Variants in DNM3 observed in about 807,000 individuals in gnomAD.
DNM3 encodes the protein dynamin-3.
Under a neutral mutation model 101.6 loss-of-function variants are expected in DNM3, and 47 were observed. The observed-to-expected ratio is 0.46, with a 90% CI of 0.37 to 0.59. DNM3 has a LOEUF of 0.59. Among genes scored for constraint, DNM3 ranks in the 20% least tolerant of loss-of-function variants. The pLI is 0.00. For missense variants in DNM3, 849 were observed against 1,085.7 expected, an observed-to-expected ratio of 0.78 and a Z score of 3.06; for synonymous variants, 385 against 387.9, an observed-to-expected ratio of 0.99 and a Z score of 0.09.
At chr1:172,165,666 T>C (rs2058718528) in intron 14 of DNM3, among the ~76,000 whole-genome samples, 1 of 152,088 alleles carries the variant, frequency 6.6e-6, no homozygotes, top group Non-Finnish European at 1.5e-5. Context: ...AATTCTTACT[T>C]CCTTCAAGAA....
At chr1:171,934,336 C>T (rs1349482398) in intron 2 of DNM3, among the ~76,000 whole-genome samples, 5 of 152,202 alleles carry the variant, frequency 3.3e-5, no homozygotes, top group African/African-American at 4.8e-5. Flanking sequence ...CTAAGATATA[C>T]TTGATTATAG....
At chr1:172,046,451 T>G (rs1414484854) in intron 9 of DNM3, among the ~76,000 whole-genome samples, 1 of 152,026 alleles carries the variant, frequency 6.6e-6, no homozygotes. Context: ...ATATACCTAA[T>G]GCTAAATGAC....
chr1:172,153,129 A>G (rs2058200206), intron 14 of DNM3, among the ~76,000 whole-genome samples: 1 of 152,146 alleles, frequency 6.6e-6, no homozygotes, highest in Admixed American at 6.5e-5. Context: ...ATTAGAATTG[A>G]TTGGTTCAAG....
chr1:172,156,669 T>A lies in DNM3; in HGVS notation c.1659+25381T>A, dbSNP rs573338241. Among the ~76,000 whole-genome samples, 16 of 152,214 alleles carry A rather than the reference T, an allele frequency of 1.1e-4. No individual in the cohort carries two copies. In the East Asian group the frequency reaches 3.1e-3, roughly 29 times the overall value. On this transcript the variant is annotated intron_variant, in intron 14 of 20. Coordinates refer to ENST00000627582, the MANE Select transcript of DNM3 (RefSeq NM_015569.5). ...GAGAAAAATTATATCTAAAGCTAAT[T>A]GCCTTAAATTCTTTTTTAGAAAGTG... is the stretch of plus-strand genomic sequence containing the variant.
intron 1 of DNM3, among the ~76,000 whole-genome samples, chr1:171,910,643 A>C (rs2039216975): frequency 6.6e-6 from 1 of 152,256 alleles, no homozygotes; most frequent in Admixed American, 6.5e-5. Flanking sequence ...AAACGAATTT[A>C]GGTAAATAAT....
chr1:172,068,088 G>A (rs2051843846), intron 10 of DNM3, among the ~76,000 whole-genome samples: 1 of 152,194 alleles, frequency 6.6e-6, no homozygotes, highest in Non-Finnish European at 1.5e-5. Context: ...AGCACTTTGG[G>A]AGACCAAGGC....
chr1:172,020,272 G>T (rs1299655257), intron 4 of DNM3, among the ~76,000 whole-genome samples: 1 of 152,114 alleles, frequency 6.6e-6, no homozygotes, highest in East Asian at 1.9e-4. Flanking sequence ...GATGGCTACA[G>T]TGGACTAGAG....
intron 14 of DNM3, among the ~76,000 whole-genome samples, chr1:172,197,892 G>T (rs904639679): frequency 1.3e-5 from 2 of 151,760 alleles, no homozygotes; most frequent in Non-Finnish European, 2.9e-5. Flanking sequence ...GTATTTGGAT[G>T]CGCTTTTTTC....
At chr1:172,374,472 A>C (rs2068501167) in intron 17 of DNM3, among the ~76,000 whole-genome samples, 1 of 152,094 alleles carries the variant, frequency 6.6e-6, no homozygotes, top group South Asian at 2.1e-4. Flanking sequence ...GTACTCCAGA[A>C]AGAAATGATT....
intron 4 of DNM3, among the ~76,000 whole-genome samples, chr1:171,998,545 A>G (rs1489794628): frequency 5.9e-5 from 9 of 152,244 alleles, no homozygotes; most frequent in African/African-American, 1.9e-4. Flanking sequence ...CTCACTTACT[A>G]TGTGTCAAGT....
chr1:172,039,413 G>C (rs1020923413), intron 7 of DNM3, among the ~76,000 whole-genome samples: 2 of 151,514 alleles, frequency 1.3e-5, no homozygotes, highest in African/African-American at 2.4e-5. Flanking sequence ...AATATTAATT[G>C]CTTCATCCTA....
At chr1:171,954,654 T>C (rs1397657867) in intron 2 of DNM3, among the ~76,000 whole-genome samples, 1 of 152,188 alleles carries the variant, frequency 6.6e-6, no homozygotes, top group Non-Finnish European at 1.5e-5. Flanking sequence ...TCCATTTCAA[T>C]TTAGCATGCC....
intron 1 of DNM3, among the ~76,000 whole-genome samples, chr1:171,917,200 T>C (rs2039782254): frequency 6.6e-6 from 1 of 152,222 alleles, no homozygotes. Context: ...TAAACATTTA[T>C]TTACTGTACA....
chr1:172,344,160 A>T (rs1044904731), intron 17 of DNM3, among the ~76,000 whole-genome samples: 6 of 152,144 alleles, frequency 3.9e-5, no homozygotes, highest in African/African-American at 1.2e-4. Context: ...GATTCAGAGG[A>T]CTTCATCCTC....
rs1450382109 is a variant in DNM3 at position 172,273,238 on chromosome 1, GTCTTA to G, written c.1769+19561_1769+19565del. On this transcript the variant is annotated intron_variant, in intron 15 of 20. Coordinates refer to ENST00000627582, the MANE Select transcript of DNM3 (RefSeq NM_015569.5). ...TCAGAGCACTAACTCTGACATGTCAGTCTTATCTTCTTCAATATCTTTAGATGTAG... is the reference window on the plus strand; with the variant it reads ...TCAGAGCACTAACTCTGACATGTCAGTCTTCTTCAATATCTTTAGATGTAG... Among the ~76,000 whole-genome samples, 21 of 152,070 alleles carry G rather than the reference GTCTTA, an allele frequency of 1.4e-4. 1 individual carries two copies. Among genetic ancestry groups the G allele is most frequent in the African/African-American group, 4.8e-4 (20 of 41,510 alleles).
chr1:172,352,890 A>G (rs1230809102), intron 17 of DNM3, among the ~76,000 whole-genome samples: 1 of 152,148 alleles, frequency 6.6e-6, no homozygotes, highest in Non-Finnish European at 1.5e-5. Context: ...GAGCAAAACA[A>G]ATGGTCTTGA....
Position 172,343,288 on chromosome 1 carries a change from C to A in DNM3, c.1893+19948C>A, listed in dbSNP as rs565755908. Among the ~76,000 whole-genome samples the A allele has an allele frequency of 5.8e-4, 88 of 151,680 alleles. 1 individual carries two copies. In the South Asian group the frequency reaches 6.0e-3, roughly 10 times the overall value. On this transcript the variant is annotated intron_variant, in intron 17 of 20. Transcript: ENST00000627582. ...ATATTTTCTCAACCTTTTTTTCTTG[C>A]GATGTTCTTAGAGACTAAAAACAAC...
At chr1:171,968,657 G>C (rs1003796192) in intron 2 of DNM3, among the ~76,000 whole-genome samples, 12 of 151,676 alleles carry the variant, frequency 7.9e-5, no homozygotes, top group African/African-American at 2.7e-4. Context: ...ATTTTGGCTT[G>C]GTATGTGTTG....
intron 9 of DNM3, among the ~76,000 whole-genome samples, chr1:172,045,844 A>C (rs1417873156): frequency 6.6e-6 from 1 of 152,208 alleles, no homozygotes; most frequent in African/African-American, 2.4e-5. Flanking sequence ...TGCTGGGAAC[A>C]GGCCCTGAGA....
Sources: gnomAD v4.1 joint callset for allele counts (sites outside exome capture counted in the v4.1 genomes callset) on GRCh38, gnomAD v4.1.1 for gene constraint, MANE v1.5 for transcripts, NCBI Gene and HGNC (gene_info 2026-07-23, HGNC 2026-07-21) for gene names.